HTR1F: variants seen among roughly 807,000 people sequenced by gnomAD.
HTR1F encodes 5-hydroxytryptamine receptor 1F.
In HTR1F, 17 loss-of-function variants were observed where a neutral mutation model predicts 24.0. The ratio of observed to expected loss-of-function variants is 0.71; its 90% confidence interval spans 0.48 to 1.06. HTR1F has a LOEUF of 1.06. HTR1F is among the 50% of genes least tolerant of loss of function. HTR1F has a pLI of 0.00. For missense variants in HTR1F, 391 were observed against 427.8 expected, an observed-to-expected ratio of 0.91 and a Z score of 0.76; for synonymous variants, 186 against 156.8, an observed-to-expected ratio of 1.19 and a Z score of -1.39.
In HTR1F at chr3:87,902,701, A is replaced by G. The variant is rs1194083952; in HGVS notation, c.-43+80577A>G. ...CCATGCTGGTGTGCTGCACCCATTA[A>G]CTCGTCATTTAGCATTAGGTATATC... is the stretch of plus-strand genomic sequence containing the variant. On this transcript the variant is annotated intron_variant, in intron 2 of 2. Transcript: ENST00000319595. 3.4e-5 allele frequency among the ~76,000 whole-genome samples: 5 copies of G among 148,806 alleles called. No individual in the cohort carries two copies. In the South Asian group the frequency reaches 1.1e-3, roughly 32 times the overall value.
chr3:87,918,751 C>T (rs866730888), intron 2 of HTR1F, among the ~76,000 whole-genome samples: 5 of 152,008 alleles, frequency 3.3e-5, no homozygotes, highest in Admixed American at 6.6e-5. Flanking sequence ...AAACACATCC[C>T]TTGCTCATGG....
intron 2 of HTR1F, among the ~76,000 whole-genome samples, chr3:87,822,792 T>C (rs1396620417): frequency 6.6e-6 from 1 of 152,176 alleles, no homozygotes; most frequent in Non-Finnish European, 1.5e-5. Context: ...ACATAAGAAA[T>C]GAAACAACAT....
intron 2 of HTR1F, among the ~76,000 whole-genome samples, chr3:87,828,264 C>T (rs1430807331): frequency 2.6e-5 from 4 of 152,108 alleles, no homozygotes; most frequent in African/African-American, 4.8e-5. Context: ...ACTTATATTT[C>T]CTGGCATAAC....
At chr3:87,830,780 G>A (rs2107151008) in intron 2 of HTR1F, among the ~76,000 whole-genome samples, 1 of 152,288 alleles carries the variant, frequency 6.6e-6, no homozygotes, top group Middle Eastern at 3.4e-3. Context: ...TTCGCCACCT[G>A]TATCTTGCAT....
chr3:87,952,587 A>C (rs1366204158), intron 2 of HTR1F, among the ~76,000 whole-genome samples: 1 of 152,034 alleles, frequency 6.6e-6, no homozygotes, highest in Non-Finnish European at 1.5e-5. Flanking sequence ...GCAATAAAGG[A>C]AATGATATCT....
chr3:87,805,302 A>G (rs186594368), intron 1 of HTR1F, among the ~76,000 whole-genome samples: 13 of 152,194 alleles, frequency 8.5e-5, no homozygotes, highest in Admixed American at 7.2e-4. Flanking sequence ...CAGAAAAGTT[A>G]AGATATTTAT....
At chr3:87,920,189 G>A (rs1703983072) in intron 2 of HTR1F, among the ~76,000 whole-genome samples, 1 of 151,874 alleles carries the variant, frequency 6.6e-6, no homozygotes, top group Non-Finnish European at 1.5e-5. Flanking sequence ...TCATAAGTGG[G>A]AGCTAAGCTA....
chr3:87,801,066 TTGAAA>T (rs1361742739), intron 1 of HTR1F, among the ~76,000 whole-genome samples: 1 of 152,226 alleles, frequency 6.6e-6, no homozygotes, highest in Admixed American at 6.5e-5. Context: ...TTCTTTTTTC[TTGAAA>T]TGAATATGGA....
chr3:87,855,846 C>T (rs1705187191), intron 2 of HTR1F, among the ~76,000 whole-genome samples: 1 of 152,032 alleles, frequency 6.6e-6, no homozygotes, highest in Admixed American at 6.6e-5. Context: ...ACACTTTCTG[C>T]CTATTAGTCA....
chr3:87,957,018 A>G (rs1704959405), intron 2 of HTR1F, among the ~76,000 whole-genome samples: 2 of 151,324 alleles, frequency 1.3e-5, no homozygotes, highest in Non-Finnish European at 3.0e-5. Context: ...AAAAGTAAGC[A>G]TCTTTGTTCC....
chr3:87,960,398 C>T (rs1327565139), intron 2 of HTR1F, among the ~76,000 whole-genome samples: 1 of 151,894 alleles, frequency 6.6e-6, no homozygotes, highest in African/African-American at 2.4e-5. Context: ...GACAGTAATT[C>T]TCAAAACTGA....
In HTR1F at chr3:87,840,480, A is replaced by G. The variant is rs115140429; in HGVS notation, c.-43+18356A>G. 6.8e-3 allele frequency among the ~76,000 whole-genome samples: 1,030 copies of G among 152,296 alleles called. 19 individuals are homozygous for G. The highest frequency in any genetic ancestry group is 0.024 in the African/African-American group (985 of 41,564). On this transcript the variant is annotated intron_variant, in intron 2 of 2. Transcript: ENST00000319595. The stretch of plus-strand genomic sequence containing the variant: ...AGCTTTATACTGTAGAGAAAAGGGA[A>G]CACTTATACAGGGATGGTGGTATTG...
chr3:87,969,705 A>C (rs1705245993), intron 2 of HTR1F, among the ~76,000 whole-genome samples: 1 of 152,040 alleles, frequency 6.6e-6, no homozygotes. Flanking sequence ...GATTCAGGGG[A>C]ACTGTTGAGA....
intron 2 of HTR1F, among the ~76,000 whole-genome samples, chr3:87,989,345 T>A (rs891710776): frequency 2.0e-5 from 3 of 152,220 alleles, no homozygotes; most frequent in African/African-American, 4.8e-5. Flanking sequence ...TTAGGGGCTG[T>A]CCTTACTAGT....
chr3:87,924,711 A>G (rs1313648828), intron 2 of HTR1F, among the ~76,000 whole-genome samples: 1 of 152,042 alleles, frequency 6.6e-6, no homozygotes, highest in Non-Finnish European at 1.5e-5. Context: ...CCTGGTATGT[A>G]TGGTTTCTGC....
intron 2 of HTR1F, among the ~76,000 whole-genome samples, chr3:87,921,032 A>G (rs1704002564): frequency 6.6e-6 from 1 of 151,886 alleles, no homozygotes; most frequent in Non-Finnish European, 1.5e-5. Flanking sequence ...CTTTAATGTA[A>G]TTCTACATAT....
intron 2 of HTR1F, among the ~76,000 whole-genome samples, chr3:87,866,806 A>G (rs1705436179): frequency 7.0e-6 from 1 of 142,626 alleles, no homozygotes; most frequent in Non-Finnish European, 1.5e-5. Flanking sequence ...GTACATGGGC[A>G]CAAGTGTGCG....
chr3:87,834,053 T>A (rs1057279717), intron 2 of HTR1F, among the ~76,000 whole-genome samples: 1 of 152,168 alleles, frequency 6.6e-6, no homozygotes, highest in Non-Finnish European at 1.5e-5. Flanking sequence ...AACTACTTAA[T>A]AGGGTGAGTA....
At chr3:87,924,989 G>T (rs6551257) in intron 2 of HTR1F, among the ~76,000 whole-genome samples, 66,500 of 151,180 alleles carry the variant, frequency 0.44, 15,573 homozygotes, top group African/African-American at 0.61. Context: ...TTTTTTATTT[G>T]TACTCTCTTC....
Sources: allele counts gnomAD v4.1 joint callset (sites outside exome capture counted in the v4.1 genomes callset), GRCh38; gene constraint gnomAD v4.1.1; transcripts MANE v1.5; gene names NCBI Gene and HGNC (gene_info 2026-07-23, HGNC 2026-07-21).